HS6ST3: variants seen among roughly 807,000 people sequenced by gnomAD.
HS6ST3 encodes the protein heparan sulfate 6-O-sulfotransferase 3, also known as heparan-sulfate 6-O-sulfotransferase 3.
HS6ST3 carries 12 observed loss-of-function variants against 36.7 expected under a neutral mutation model. The observed-to-expected ratio is 0.33, with a 90% CI of 0.21 to 0.53. HS6ST3 has a LOEUF of 0.53. Among genes scored for constraint, HS6ST3 ranks in the 20% least tolerant of loss-of-function variants. The pLI is 0.95. For synonymous variants in HS6ST3, 240 were observed against 257.5 expected (o/e 0.93, Z 0.65); for missense variants, 584 against 640.9 (o/e 0.91, Z 0.96).
At chr13:96,449,948 A>T (rs1248813920) in intron 1 of HS6ST3, among the ~76,000 whole-genome samples, 2 of 152,188 alleles carry the variant, frequency 1.3e-5, no homozygotes, top group Non-Finnish European at 2.9e-5. Flanking sequence ...CTAAAACTCT[A>T]ATTTGACTTA....
Position 96,200,777 on chromosome 13 carries a change from A to G in HS6ST3, c.707+109208A>G, listed in dbSNP as rs929320529. On this transcript the variant is annotated intron_variant, in intron 1 of 1. Coordinates refer to ENST00000376705, the MANE Select transcript of HS6ST3 (RefSeq NM_153456.4). ...AGTGGATGGCTACAGAATATACCTT[A>G]CATCGTATTCAGAATGCCTCTCATT... Among the ~76,000 whole-genome samples, 6 of 152,350 alleles carry G rather than the reference A, an allele frequency of 3.9e-5. No individual in the cohort carries two copies. In the East Asian group the frequency reaches 1.2e-3, roughly 29 times the overall value.
chr13:96,412,221 T>C (rs753848462), intron 1 of HS6ST3, among the ~76,000 whole-genome samples: 4 of 152,058 alleles, frequency 2.6e-5, no homozygotes, highest in East Asian at 1.9e-4. Flanking sequence ...GCCAGGATGG[T>C]CTCGATCTCT....
chr13:96,784,242 G>A, intron 1 of HS6ST3, among the ~76,000 whole-genome samples: 1 of 152,174 alleles, frequency 6.6e-6, no homozygotes, highest in Non-Finnish European at 1.5e-5. Flanking sequence ...CTACTTGACT[G>A]ACCTATCTGG....
intron 1 of HS6ST3, among the ~76,000 whole-genome samples, chr13:96,824,894 A>T (rs1878616298): frequency 6.6e-6 from 1 of 152,184 alleles, no homozygotes; most frequent in Non-Finnish European, 1.5e-5. Flanking sequence ...AAGGTCATGC[A>T]TTATACATCC....
rs1308671612 is a variant in HS6ST3, at chr13:96,764,304, G to C, written c.708-68186G>C. Among the ~76,000 whole-genome samples the C allele has an allele frequency of 2.6e-5, 4 of 152,166 alleles. No homozygotes were observed. The South Asian group carries it at 6.2e-4, about 24-fold the overall frequency. ...AGTGATTGGTCTTATTAACTAGAGA[G>C]GGAAGCATGGTCTGATGGAAAAGGA... On this transcript the variant is annotated intron_variant, in intron 1 of 1. Coordinates refer to ENST00000376705, the MANE Select transcript of HS6ST3 (RefSeq NM_153456.4).
intron 1 of HS6ST3, among the ~76,000 whole-genome samples, chr13:96,141,249 TACA>T (rs2054030736): frequency 6.6e-6 from 1 of 152,202 alleles, no homozygotes; most frequent in Non-Finnish European, 1.5e-5. Context: ...CTTTTAGTTG[TACA>T]ACAAGAATGC....
chr13:96,461,709 A>T (rs2055785186), intron 1 of HS6ST3, among the ~76,000 whole-genome samples: 1 of 152,124 alleles, frequency 6.6e-6, no homozygotes, highest in Non-Finnish European at 1.5e-5. Context: ...AATCCACAAA[A>T]CCTTGAACTT....
intron 1 of HS6ST3, among the ~76,000 whole-genome samples, chr13:96,758,947 C>G (rs572816062): frequency 6.6e-6 from 1 of 151,748 alleles, no homozygotes; most frequent in Non-Finnish European, 1.5e-5. Context: ...CTGAATTTCT[C>G]TATTTTTCCC....
intron 1 of HS6ST3, among the ~76,000 whole-genome samples, chr13:96,475,612 C>CAAAAAAAAAAA (rs1251970502): frequency 1.1e-5 from 1 of 91,574 alleles, no homozygotes; most frequent in African/African-American, 3.8e-5. Flanking sequence ...GGAGTACTAC[C>CAAAAAAAAAAA]AAAAAAAAAA....
chr13:96,727,910 C>A (rs1759228379), intron 1 of HS6ST3, among the ~76,000 whole-genome samples: 1 of 152,140 alleles, frequency 6.6e-6, no homozygotes, highest in African/African-American at 2.4e-5. Context: ...ATTTCCACTG[C>A]CATTTCCCCA....
intron 1 of HS6ST3, among the ~76,000 whole-genome samples, chr13:96,185,534 G>A (rs1401011271): frequency 6.6e-6 from 1 of 152,146 alleles, no homozygotes; most frequent in Non-Finnish European, 1.5e-5. Flanking sequence ...GCTGAGGGCA[G>A]AGACCATTTC....
chr13:96,241,786 CTTTT>C (rs1235986148), intron 1 of HS6ST3, among the ~76,000 whole-genome samples: 3 of 131,420 alleles, frequency 2.3e-5, no homozygotes, highest in Non-Finnish European at 3.3e-5. Context: ...TTTTTTCTTT[CTTTT>C]TTTTTTTTTT....
At chr13:96,372,888 T>C (rs2055296667) in intron 1 of HS6ST3, among the ~76,000 whole-genome samples, 1 of 152,176 alleles carries the variant, frequency 6.6e-6, no homozygotes. Flanking sequence ...TTCCATCTCG[T>C]ATTGAACTTA....
At chr13:96,535,286 G>A (rs1164786039) in intron 1 of HS6ST3, among the ~76,000 whole-genome samples, 1 of 152,120 alleles carries the variant, frequency 6.6e-6, no homozygotes, top group African/African-American at 2.4e-5. Flanking sequence ...GCCGGGCATG[G>A]TGGCTCATGC....
chr13:96,381,559 A>G (rs780536346), intron 1 of HS6ST3, among the ~76,000 whole-genome samples: 13 of 152,130 alleles, frequency 8.5e-5, no homozygotes, highest in Non-Finnish European at 1.6e-4. Context: ...TGAAATGGGA[A>G]GAACAATACT....
intron 1 of HS6ST3, among the ~76,000 whole-genome samples, chr13:96,380,533 T>C (rs1399411239): frequency 6.6e-6 from 1 of 152,146 alleles, no homozygotes; most frequent in African/African-American, 2.4e-5. Flanking sequence ...CCCAAAGGGC[T>C]GGGATTACAG....
At chr13:96,238,261 A>G (rs192004183) in intron 1 of HS6ST3, among the ~76,000 whole-genome samples, 8 of 152,154 alleles carry the variant, frequency 5.3e-5, no homozygotes, top group African/African-American at 1.9e-4. Context: ...ACTGTCTGTC[A>G]TAGTACAGGC....
intron 1 of HS6ST3, among the ~76,000 whole-genome samples, chr13:96,506,571 A>G (rs1250946840): frequency 6.6e-6 from 1 of 152,108 alleles, no homozygotes; most frequent in Non-Finnish European, 1.5e-5. Context: ...CTGCCTTTCC[A>G]TTTAGATGGT....
intron 1 of HS6ST3, among the ~76,000 whole-genome samples, chr13:96,115,515 T>G (rs2053890005): frequency 6.6e-6 from 1 of 152,174 alleles, no homozygotes; most frequent in Admixed American, 6.5e-5. Flanking sequence ...TTTCTTTTCC[T>G]GTGTTAGTTT....
Sources: allele counts gnomAD v4.1 joint callset (sites outside exome capture counted in the v4.1 genomes callset), GRCh38; gene constraint gnomAD v4.1.1; transcripts MANE v1.5; gene names NCBI Gene and HGNC (gene_info 2026-07-23, HGNC 2026-07-21).